Variants in RIMS2 observed in about 807,000 individuals in gnomAD.
RIMS2 encodes regulating synaptic membrane exocytosis 2, also known as regulating synaptic membrane exocytosis protein 2.
RIMS2 carries 59 observed loss-of-function variants against 174.4 expected under a neutral mutation model. The observed-to-expected ratio is 0.34, with a 90% CI of 0.27 to 0.42. The LOEUF (loss-of-function observed/expected upper bound fraction) is 0.42, where lower values mean the gene tolerates loss of function less well. RIMS2 is among the 10% of genes least tolerant of loss of function. RIMS2 has a pLI of 1.00. For synonymous variants in RIMS2, 606 were observed against 572.5 expected, an observed-to-expected ratio of 1.06 and a Z score of -0.84; for missense variants, 1,620 against 1,666.3, an observed-to-expected ratio of 0.97 and a Z score of 0.48.
chr8:103,942,416 C>G (rs1255646090), intron 13 of RIMS2, among the ~76,000 whole-genome samples: 1 of 151,750 alleles, frequency 6.6e-6, no homozygotes, highest in African/African-American at 2.4e-5. Flanking sequence ...TAGGTTGACT[C>G]TAAATAAAAA....
chr8:103,500,626 G>C (rs915551687), upstream of RIMS2: 6 of 415,330 alleles, frequency 1.4e-5, no homozygotes, highest in African/African-American at 6.2e-5. Flanking sequence ...CCTTTCCCTT[G>C]AACCGCTCAC....
chr8:104,109,965 G>A (rs2098148205), intron 19 of RIMS2, among the ~76,000 whole-genome samples: 1 of 152,094 alleles, frequency 6.6e-6, no homozygotes, highest in Non-Finnish European at 1.5e-5. Context: ...TGCCAAAATA[G>A]GGAAAATAGT....
chr8:103,600,545 A>G (rs1345126144), intron 1 of RIMS2, among the ~76,000 whole-genome samples: 1 of 152,216 alleles, frequency 6.6e-6, no homozygotes. Context: ...TGCTGGGATT[A>G]CAGGCGTGAG....
intron 11 of RIMS2, among the ~76,000 whole-genome samples, chr8:103,929,104 G>T (rs1249577091): frequency 6.6e-6 from 1 of 151,640 alleles, no homozygotes; most frequent in Non-Finnish European, 1.5e-5. Context: ...AATTAGTAAA[G>T]TTAAAATATG....
intron 2 of RIMS2, among the ~76,000 whole-genome samples, chr8:103,725,765 C>G (rs1414969599): frequency 6.6e-6 from 1 of 152,128 alleles, no homozygotes; most frequent in East Asian, 1.9e-4. Flanking sequence ...AAGCTGGATT[C>G]AATTTTCATT....
chr8:103,819,660 A>G, intron 3 of RIMS2: 2 of 1,529,950 alleles, frequency 1.3e-6, no homozygotes, highest in African/African-American at 1.4e-5. Flanking sequence ...TTTTCTTTTA[A>G]TATTGTTATT....
In RIMS2 at chr8:104,093,460, T is replaced by C; in HGVS notation, c.3334+78845T>C. On this transcript the variant is annotated intron_variant, in intron 19 of 23. Transcript: ENST00000504942. The stretch of plus-strand genomic sequence containing the variant: ...GACAACTTCTGCGTATTTGTCAATC[T>C]GTGTTAACAGTATCGATCAGGATGG... 5 of 1,570,848 alleles carry C rather than the reference T, an allele frequency of 3.2e-6. No individual in the cohort carries two copies. Among genetic ancestry groups the C allele is most frequent in the Non-Finnish European group, 4.3e-6 (5 of 1,163,562 alleles).
chr8:104,069,441 A>AATAAAGT (rs2097159071), intron 19 of RIMS2, among the ~76,000 whole-genome samples: 1 of 151,642 alleles, frequency 6.6e-6, no homozygotes, highest in South Asian at 2.1e-4. Context: ...CAAGGGAGGA[A>AATAAAGT]ATAAAGTATT....
intron 19 of RIMS2, among the ~76,000 whole-genome samples, chr8:104,019,507 A>G (rs572901838): frequency 2.0e-5 from 3 of 152,288 alleles, no homozygotes; most frequent in Middle Eastern, 6.8e-3. Context: ...CATTCTCTCA[A>G]TGGAGTTTTT....
downstream of RIMS2, chr8:104,252,156 A>G (rs776145954): frequency 3.3e-6 from 1 of 299,984 alleles, no homozygotes; most frequent in Non-Finnish European, 6.2e-6. Context: ...TATTTTTATC[A>G]TTCCTTTTTC....
chr8:103,834,681 T>C (rs1316184162), intron 3 of RIMS2, among the ~76,000 whole-genome samples: 1 of 42,930 alleles, frequency 2.3e-5, no homozygotes, highest in African/African-American at 1.1e-4. Context: ...GGTCTTTTTC[T>C]TTCTTTCTTT....
chr8:103,516,939 A>G (rs1049784968), intron 1 of RIMS2, among the ~76,000 whole-genome samples: 4 of 152,204 alleles, frequency 2.6e-5, no homozygotes, highest in Non-Finnish European at 5.9e-5. Context: ...ATTTCCAGCA[A>G]TACAGTATAG....
chr8:103,961,974 T>C (rs956177197), intron 15 of RIMS2, among the ~76,000 whole-genome samples: 3 of 152,162 alleles, frequency 2.0e-5, no homozygotes, highest in Non-Finnish European at 2.9e-5. Context: ...ATACTCTTCA[T>C]GTATTGTGGT....
intron 1 of RIMS2, among the ~76,000 whole-genome samples, chr8:103,528,074 A>G (rs1166534742): frequency 1.3e-5 from 2 of 152,114 alleles, no homozygotes; most frequent in African/African-American, 4.8e-5. Context: ...CTTTTTAATG[A>G]TCGCCATTCT....
intron 2 of RIMS2, among the ~76,000 whole-genome samples, chr8:103,701,412 A>T (rs2097165794): frequency 6.6e-6 from 1 of 152,138 alleles, no homozygotes; most frequent in East Asian, 1.9e-4. Context: ...AACACTGACC[A>T]TTTCTTTGTG....
At chr8:104,192,883 T>C (rs1186508763) in intron 19 of RIMS2, among the ~76,000 whole-genome samples, 1 of 152,096 alleles carries the variant, frequency 6.6e-6, no homozygotes, top group Non-Finnish European at 1.5e-5. Context: ...CCACGTGACT[T>C]CTAAATTAGC....
At chr8:104,185,000 T>C (rs1194201918) in intron 19 of RIMS2, among the ~76,000 whole-genome samples, 1 of 151,520 alleles carries the variant, frequency 6.6e-6, no homozygotes, top group Admixed American at 6.6e-5. Context: ...GTACCAATAG[T>C]ACTAGCTAGC....
At chr8:104,151,028 A>T (rs761248128) in intron 19 of RIMS2, among the ~76,000 whole-genome samples, 4 of 152,220 alleles carry the variant, frequency 2.6e-5, no homozygotes, top group Non-Finnish European at 5.9e-5. Flanking sequence ...GCATTTAAGG[A>T]TGAATTAACA....
At chr8:104,095,584 A>G (rs1453101541) in intron 19 of RIMS2, among the ~76,000 whole-genome samples, 1 of 152,148 alleles carries the variant, frequency 6.6e-6, no homozygotes, top group Non-Finnish European at 1.5e-5. Context: ...ATACAGTCAA[A>G]TTAGCACGAA....
Sources: allele counts gnomAD v4.1 joint callset (sites outside exome capture counted in the v4.1 genomes callset), GRCh38; gene constraint gnomAD v4.1.1; transcripts MANE v1.5; gene names NCBI Gene and HGNC (gene_info 2026-07-23, HGNC 2026-07-21).